The following PCDHGC5 variants were observed in gnomAD, a reference collection of about 807,000 sequenced individuals.
PCDHGC5 encodes protocadherin gamma subfamily C, 5, also known as protocadherin gamma-C5.
Under a neutral mutation model 59.0 loss-of-function variants are expected in PCDHGC5, and 25 were observed. The ratio of observed to expected loss-of-function variants is 0.42; its 90% CI spans 0.31 to 0.59. The LOEUF (loss-of-function observed/expected upper bound fraction) is 0.59, where lower values mean the gene tolerates loss of function less well. PCDHGC5 is among the 20% of genes least tolerant of loss of function. PCDHGC5 has a pLI of 0.13. For missense variants in PCDHGC5, 1,067 were observed against 1,206.4 expected (o/e 0.88, Z 1.71); for synonymous variants, 434 against 505.5 (o/e 0.86, Z 1.90).
chr5:141,501,292 C>CACAT (rs200296563), intron 2 of PCDHGC5, among the ~76,000 whole-genome samples: 14,029 of 50,334 alleles, frequency 0.28, 723 homozygotes, highest in Admixed American at 0.4. Flanking sequence ...TTCCCTTATA[C>CACAT]ACACACACAC....
At position 141,512,116 on chromosome 5, in the gene PCDHGC5, T is replaced by TTA. The variant is rs2099884085; in HGVS notation, c.*943_*944insTA. On this transcript the variant is annotated 3_prime_UTR_variant, in exon 4 of 4. Coordinates refer to ENST00000252087, the MANE Select transcript of PCDHGC5 (RefSeq NM_018929.3). ...ACTAGGCTGGACCCTTCCCACTACA[T>TTA]AATAGGGCTCAGCCCAGGCAGCCAG... 1 of 152,600 alleles carries TTA rather than the reference T, an allele frequency of 6.6e-6. No homozygotes were observed. The highest frequency in any genetic ancestry group is 2.1e-4 in the South Asian group (1 of 4,832). 9.5% of individuals were successfully genotyped at this position (152,600 alleles called of 1,614,324 possible).
At chr5:141,505,202 T>C (rs778935321) in intron 2 of PCDHGC5, among the ~76,000 whole-genome samples, 191 bp from the exon 3 acceptor site, 3 of 152,012 alleles carry the variant, frequency 2.0e-5, no homozygotes, top group Non-Finnish European at 4.4e-5. Flanking sequence ...AAAGAGCTGG[T>C]TTGAGGGACT....
At chr5:141,502,191 A>G (rs2099813218) in intron 2 of PCDHGC5, among the ~76,000 whole-genome samples, 1 of 152,170 alleles carries the variant, frequency 6.6e-6, no homozygotes, top group Non-Finnish European at 1.5e-5. Flanking sequence ...TAATACAATA[A>G]TATAGAATCC....
Position 141,491,844 on chromosome 5 carries a change from G to A in PCDHGC5, c.2460+144G>A. On this transcript the variant is annotated intron_variant, in intron 1 of 3. Transcript: ENST00000252087. The surrounding 1 kb of genome is among the most constrained non-coding windows in gnomAD (Gnocchi z 6.9). ...GCTCCACCCGATTCTCGGGATCATT[G>A]GACCGTTTGCGCGAAACCAGAGTGG... 1 of 1,464,184 alleles carries A rather than the reference G, an allele frequency of 6.8e-7. No homozygotes were observed. 90.7% of individuals were successfully genotyped at this position (1,464,184 alleles called of 1,614,324 possible).
Position 141,505,388 on chromosome 5 carries a change from C to T in PCDHGC5, c.2520-5C>T, listed in dbSNP as rs756505223. ...TCTGTGCTCACCATCCTACTCTCTCCCCAGCTCCCAAAATGGCGATGACAC... is the reference window on the plus strand; with the variant it reads ...TCTGTGCTCACCATCCTACTCTCTCTCCAGCTCCCAAAATGGCGATGACAC... On this transcript the variant is annotated splice_polypyrimidine_tract_variant and splice_region_variant and intron_variant, in intron 2 of 3. Transcript: ENST00000252087. The T allele has an allele frequency of 6.2e-7, 1 of 1,613,972 alleles. No homozygotes were observed. The highest frequency in any genetic ancestry group is 2.2e-5 in the East Asian group (1 of 44,886).
rs770619389 is a variant in PCDHGC5 at position 141,490,764 on chromosome 5, T to C, written c.1524T>C (p.Tyr508=). Residue 508 remains tyrosine (Y), a synonymous_variant, in exon 1 of 4, where the codon TAT becomes TAC. Coordinates refer to ENST00000252087, the MANE Select transcript of PCDHGC5 (RefSeq NM_018929.3). The surrounding 1 kb of genome is among the most constrained non-coding windows in gnomAD (Gnocchi z 5.4). ...VQGAPASSFV[Y]VNPEDGRIFA... is the part of the protein sequence containing the mutation. ...GAGCCCCAGCCTCCTCCTTTGTGTA[T>C]GTCAACCCAGAGGATGGACGGATCT... is the stretch of plus-strand genomic sequence containing the variant. 22 of 1,613,970 alleles carry C rather than the reference T, an allele frequency of 1.4e-5. No individual in the cohort carries two copies. Among genetic ancestry groups the C allele is most frequent in the Non-Finnish European group, 1.6e-5 (19 of 1,179,928 alleles).
In PCDHGC5 at chr5:141,489,153, G is replaced by C; in HGVS notation, c.-88G>C. Reference sequence around the variant, plus strand: ...TTTAAGAGGCTGGAAGGAGACATAAGAGACTTCAGCTGCTGCATTCCAAGC... The same window carrying C: ...TTTAAGAGGCTGGAAGGAGACATAACAGACTTCAGCTGCTGCATTCCAAGC... On this transcript the variant is annotated 5_prime_UTR_variant, in exon 1 of 4. Coordinates refer to ENST00000252087, the MANE Select transcript of PCDHGC5 (RefSeq NM_018929.3). This position sits in a 1 kb window ranked among gnomAD's most constrained non-coding sequence, Gnocchi z 4.5. 1 of 935,832 alleles carries C rather than the reference G, an allele frequency of 1.1e-6. No individual in the cohort carries two copies. Among genetic ancestry groups the C allele is most frequent in the Non-Finnish European group, 1.6e-6 (1 of 627,178 alleles). The allele number at this position is 935,832 out of a possible 1,614,324, so 58.0% of individuals were successfully genotyped here.
At chr5:141,503,133 C>A (rs1164077875) in intron 2 of PCDHGC5, among the ~76,000 whole-genome samples, 1 of 152,002 alleles carries the variant, frequency 6.6e-6, no homozygotes, top group Non-Finnish European at 1.5e-5. Context: ...CTGGTAGCCC[C>A]TGACACAGCC....
intron 2 of PCDHGC5, among the ~76,000 whole-genome samples, chr5:141,495,690 G>A (rs1261694815): frequency 1.3e-5 from 2 of 152,172 alleles, no homozygotes; most frequent in East Asian, 3.9e-4. Context: ...TGGCATAAGT[G>A]CTCAATAAAT....
In PCDHGC5 at chr5:141,491,835, G is replaced by C; in HGVS notation, c.2460+135G>C. On this transcript the variant is annotated intron_variant, in intron 1 of 3. Coordinates refer to ENST00000252087, the MANE Select transcript of PCDHGC5 (RefSeq NM_018929.3). The surrounding 1 kb of genome is among the most constrained non-coding windows in gnomAD (Gnocchi z 6.9). The stretch of plus-strand genomic sequence containing the variant: ...GCTGGCTGCGCTCCACCCGATTCTC[G>C]GGATCATTGGACCGTTTGCGCGAAA... 1 of 1,473,258 alleles carries C rather than the reference G, an allele frequency of 6.8e-7. No individual in the cohort carries two copies. The highest frequency in any genetic ancestry group is 9.0e-7 in the Non-Finnish European group (1 of 1,112,098). The allele number at this position is 1,473,258 out of a possible 1,614,324, so 91.3% of individuals were successfully genotyped here.
At chr5:141,492,587 C>G (rs2154587748) in intron 1 of PCDHGC5, among the ~76,000 whole-genome samples, 1 of 152,314 alleles carries the variant, frequency 6.6e-6, no homozygotes, top group African/African-American at 2.4e-5. Flanking sequence ...GGGCCAGGAG[C>G]GCTGGAGCGA....
At chr5:141,504,666 G>T (rs2099839952) in intron 2 of PCDHGC5, among the ~76,000 whole-genome samples, 1 of 107,242 alleles carries the variant, frequency 9.3e-6, no homozygotes, top group South Asian at 3.6e-4. Context: ...AGGGCGGGGG[G>T]TGGGGGTTCT....
chr5:141,509,024 C>T (rs2099873840), intron 3 of PCDHGC5, among the ~76,000 whole-genome samples: 1 of 152,108 alleles, frequency 6.6e-6, no homozygotes, highest in African/African-American at 2.4e-5. Flanking sequence ...GCTGCTCCCT[C>T]CCACTCAACC....
In PCDHGC5 at chr5:141,503,604, A is replaced by G. The variant is rs189211439; in HGVS notation, c.2520-1789A>G. 5.2e-3 allele frequency among the ~76,000 whole-genome samples: 793 copies of G among 151,946 alleles called. 3 individuals carry two copies. The highest frequency in any genetic ancestry group is 8.3e-3 in the Non-Finnish European group (566 of 67,924). On this transcript the variant is annotated intron_variant, in intron 2 of 3. Coordinates refer to ENST00000252087, the MANE Select transcript of PCDHGC5 (RefSeq NM_018929.3). ...ACAGAGCGAGACTCCAGCTCAAAAA[A>G]AAAAAAAAAAGAAAAAAGAAAAGAA...
chr5:141,490,833 G>C lies in PCDHGC5; in HGVS notation c.1593G>C (p.Gln531His), dbSNP rs781529579. ...ACTATGAATTGCTGCAGATGCTGCA[G>C]ATTGTGGTGGGGGTTCGAGACTCCG... ...TFDYELLQML[Q>H]IVVGVRDSGS... Residue 531 changes from glutamine (Q) to histidine (H), a missense_variant, in exon 1 of 4, where the codon CAG becomes CAC. Coordinates refer to ENST00000252087, the MANE Select transcript of PCDHGC5 (RefSeq NM_018929.3). This position sits in a 1 kb window ranked among gnomAD's most constrained non-coding sequence, Gnocchi z 5.4. The C allele has an allele frequency of 6.2e-7, 1 of 1,613,932 alleles. No homozygotes were observed. Among genetic ancestry groups the C allele is most frequent in the East Asian group, 2.2e-5 (1 of 44,884 alleles).
chr5:141,490,331 C>G lies in PCDHGC5; in HGVS notation c.1091C>G (p.Pro364Arg). 6.2e-7 allele frequency: 1 copy of G among 1,614,214 alleles called. No individual in the cohort carries two copies. The highest frequency in any genetic ancestry group is 1.1e-5 in the South Asian group (1 of 91,086). The part of the protein sequence containing the change: ...SLANPVLEST[P>R]VGTVVGLFNV... The stretch of plus-strand genomic sequence containing the variant: ...GCCAACCCTGTCCTAGAGAGCACAC[C>G]AGTGGGCACAGTAGTGGGGTTGTTT... Residue 364 changes from proline to arginine, a missense_variant, in exon 1 of 4, where the codon CCA (proline) becomes CGA (arginine). Transcript: ENST00000252087. This position sits in a 1 kb window ranked among gnomAD's most constrained non-coding sequence, Gnocchi z 5.4.
intron 2 of PCDHGC5, among the ~76,000 whole-genome samples, chr5:141,502,787 G>T (rs2099816081): frequency 6.6e-6 from 1 of 151,394 alleles, no homozygotes; most frequent in African/African-American, 2.4e-5. Flanking sequence ...TTACCTGGAT[G>T]ATTTCTTCAG....
At chr5:141,501,516 C>T (rs763346187) in intron 2 of PCDHGC5, among the ~76,000 whole-genome samples, 1 of 152,010 alleles carries the variant, frequency 6.6e-6, no homozygotes, top group African/African-American at 2.4e-5. Context: ...GGCCTCCAAG[C>T]TGAAGCCCAG....
intron 3 of PCDHGC5, among the ~76,000 whole-genome samples, chr5:141,509,685 A>G (rs923641083): frequency 6.6e-6 from 1 of 152,166 alleles, no homozygotes. Flanking sequence ...TCTTCTGTAC[A>G]GTGGGACGTT....
Sources: allele counts gnomAD v4.1 joint callset (sites outside exome capture counted in the v4.1 genomes callset), GRCh38; gene constraint gnomAD v4.1.1; non-coding constraint Gnocchi (gnomAD v3.1); transcripts MANE v1.5; gene names NCBI Gene and HGNC (gene_info 2026-07-23, HGNC 2026-07-21).